Variants in SAMMSON observed in about 807,000 individuals in gnomAD.
SAMMSON encodes the protein survival associated mitochondrial melanoma specific oncogenic non-coding RNA.
chr3:70,257,467 T>G (rs938814732), intron 6 of SAMMSON, among the ~76,000 whole-genome samples: 3 of 149,976 alleles, frequency 2.0e-5, no homozygotes, highest in Admixed American at 6.7e-5. Flanking sequence ...AGCTGTAAGA[T>G]GGACAAAGAG....
chr3:70,036,712 A>T (rs2067086652), intron 3 of SAMMSON, among the ~76,000 whole-genome samples: 1 of 152,124 alleles, frequency 6.6e-6, no homozygotes, highest in Non-Finnish European at 1.5e-5. Flanking sequence ...AATCAAGAGC[A>T]AAGATAGGGT....
intron 6 of SAMMSON, among the ~76,000 whole-genome samples, chr3:70,251,273 A>C (rs1250170964): frequency 6.6e-6 from 1 of 152,194 alleles, no homozygotes; most frequent in East Asian, 1.9e-4. Flanking sequence ...CTAATATCTG[A>C]GTTCTTAGAA....
intron 4 of SAMMSON, among the ~76,000 whole-genome samples, chr3:70,074,078 A>G (rs945767370): frequency 3.3e-5 from 5 of 151,958 alleles, no homozygotes; most frequent in African/African-American, 1.2e-4. Flanking sequence ...TCTGTATTAT[A>G]CAACAGCTAA....
chr3:70,290,711 G>A (rs1294242777), intron 6 of SAMMSON, among the ~76,000 whole-genome samples: 8 of 152,140 alleles, frequency 5.3e-5, no homozygotes, highest in Non-Finnish European at 1.0e-4. Context: ...CAATCAGTGA[G>A]ACTCCGTGGG....
intron 3 of SAMMSON, among the ~76,000 whole-genome samples, chr3:70,054,266 A>C (rs2067158018): frequency 6.6e-6 from 1 of 152,238 alleles, no homozygotes; most frequent in Admixed American, 6.5e-5. Context: ...CTGACAAGTG[A>C]ATGGGGAGGG....
At chr3:70,101,174 T>C (rs1464729006) in intron 4 of SAMMSON, among the ~76,000 whole-genome samples, 1 of 152,156 alleles carries the variant, frequency 6.6e-6, no homozygotes, top group African/African-American at 2.4e-5. Context: ...TTGCTATCAC[T>C]GTAGCTACCC....
At chr3:70,115,210 C>CAAAAAAAAAAAA in intron 4 of SAMMSON, among the ~76,000 whole-genome samples, 2 of 117,516 alleles carry the variant, frequency 1.7e-5, no homozygotes, top group Middle Eastern at 4.7e-3. Context: ...CTCTATTTTC[C>CAAAAAAAAAAAA]AAAAAAAAAA....
At chr3:70,423,550 A>C (rs1701330083) in intron 2 of SAMMSON, among the ~76,000 whole-genome samples, 2 of 152,190 alleles carry the variant, frequency 1.3e-5, no homozygotes, top group Admixed American at 1.3e-4. Context: ...AGTGATGATA[A>C]TTTAATTTCT....
chr3:70,263,274 G>A (rs754270970), intron 6 of SAMMSON, among the ~76,000 whole-genome samples: 2 of 151,672 alleles, frequency 1.3e-5, no homozygotes, highest in African/African-American at 2.4e-5. Flanking sequence ...TTATGTTATC[G>A]AGTGCTGGTT....
intron 4 of SAMMSON, among the ~76,000 whole-genome samples, chr3:70,186,138 G>A (rs186560782): frequency 3.2e-4 from 48 of 152,172 alleles, no homozygotes; most frequent in African/African-American, 1.1e-3. Context: ...TATGTCACAC[G>A]AAGCTTTGCA....
intron 6 of SAMMSON, among the ~76,000 whole-genome samples, chr3:70,286,444 C>A (rs1477037386): frequency 6.6e-5 from 10 of 150,424 alleles, no homozygotes; most frequent in South Asian, 4.2e-4. Context: ...CAGTACCATG[C>A]TGTTTTGGTT....
intron 4 of SAMMSON, among the ~76,000 whole-genome samples, chr3:70,149,465 T>A (rs1559523542): frequency 6.6e-6 from 1 of 152,008 alleles, no homozygotes; most frequent in Non-Finnish European, 1.5e-5. Context: ...GGGCGCTCAT[T>A]AAAGATGCAA....
chr3:70,199,240 G>C (rs1277793696), intron 4 of SAMMSON, among the ~76,000 whole-genome samples: 1 of 152,146 alleles, frequency 6.6e-6, no homozygotes, highest in East Asian at 1.9e-4. Flanking sequence ...AGAGTGTGAA[G>C]GACCTGTTCG....
intron 4 of SAMMSON, among the ~76,000 whole-genome samples, chr3:70,153,720 A>G (rs1197104078): frequency 6.6e-6 from 1 of 152,018 alleles, no homozygotes; most frequent in Non-Finnish European, 1.5e-5. Flanking sequence ...CATAATATAA[A>G]GCATACCGTT....
intron 4 of SAMMSON, among the ~76,000 whole-genome samples, chr3:70,129,497 A>G (rs2067472950): frequency 6.6e-6 from 1 of 152,208 alleles, no homozygotes; most frequent in Non-Finnish European, 1.5e-5. Flanking sequence ...AATGTTAGGG[A>G]TGGCCTATTT....
At chr3:70,077,756 A>G (rs1427835262) in intron 4 of SAMMSON, among the ~76,000 whole-genome samples, 1 of 152,168 alleles carries the variant, frequency 6.6e-6, no homozygotes, top group African/African-American at 2.4e-5. Context: ...GTATTAGTTA[A>G]TTGCACACAT....
chr3:70,019,338 G>A (rs1439824587), intron 3 of SAMMSON, among the ~76,000 whole-genome samples: 2 of 152,086 alleles, frequency 1.3e-5, no homozygotes, highest in African/African-American at 4.8e-5. Flanking sequence ...ATTATGTAAT[G>A]GCCTTCTTTG....
At chr3:70,254,151 A>AT (rs1191415846) in intron 6 of SAMMSON, among the ~76,000 whole-genome samples, 1 of 5,426 alleles carries the variant, frequency 1.8e-4, no homozygotes, top group African/African-American at 2.4e-4. Context: ...TTCCAATTAC[A>AT]CAAAAAAAAT....
rs545564375 is a variant in SAMMSON, at chr3:70,176,217, G to A, written n.508-72890G>A. Among the ~76,000 whole-genome samples, 56 of 152,208 alleles carry A rather than the reference G, an allele frequency of 3.7e-4. 1 individual carries two copies. The highest frequency in any genetic ancestry group is 1.3e-3 in the African/African-American group (54 of 41,544). ...ATCATGGAGGTAGTGCTGAGGACTA[G>A]GGGAACTCAATTTATTTGTAGTTCA... On this transcript the variant is annotated intron_variant and non_coding_transcript_variant, in intron 4 of 9. Transcript: ENST00000642114.
Sources: gnomAD v4.1 joint callset for allele counts (sites outside exome capture counted in the v4.1 genomes callset) on GRCh38, gnomAD v4.1.1 for gene constraint, MANE v1.5 for transcripts, NCBI Gene and HGNC (gene_info 2026-07-23, HGNC 2026-07-21) for gene names.